CSMD1: variants seen among roughly 807,000 people sequenced by gnomAD.
CSMD1 encodes the protein CUB and Sushi multiple domains 1, also known as CUB and sushi domain-containing protein 1.
Under a neutral mutation model 417.5 loss-of-function variants are expected in CSMD1, and 213 were observed. That is an observed-to-expected ratio of 0.51 (90% CI 0.46 to 0.57). The LOEUF is 0.57. Among genes scored for constraint, CSMD1 ranks in the 20% least tolerant of loss-of-function variants. The probability of loss-of-function intolerance (pLI) is 0.00; values close to 1 mark genes in which losing one functional copy is unlikely to be tolerated. For synonymous variants in CSMD1, 2,862 were observed against 1,736.8 expected, an observed-to-expected ratio of 1.65 and a Z score of -16.11; for missense variants, 6,923 against 4,529.7, an observed-to-expected ratio of 1.53 and a Z score of -15.17.
chr8:4,359,323 G>T (rs1190733218), intron 3 of CSMD1, among the ~76,000 whole-genome samples: 1 of 152,164 alleles, frequency 6.6e-6, no homozygotes, highest in Non-Finnish European at 1.5e-5. Context: ...TTGTGCAGGG[G>T]CCAAATAGGT....
chr8:3,610,852 G>A (rs555028977), intron 8 of CSMD1, among the ~76,000 whole-genome samples: 1 of 151,956 alleles, frequency 6.6e-6, no homozygotes, highest in Non-Finnish European at 1.5e-5. Flanking sequence ...ATACTCTAAG[G>A]TGTTATGTGC....
intron 6 of CSMD1, among the ~76,000 whole-genome samples, chr8:3,738,142 T>C (rs1199461345): frequency 6.6e-6 from 1 of 152,170 alleles, no homozygotes; most frequent in Non-Finnish European, 1.5e-5. Flanking sequence ...ATACATTTAG[T>C]AGACATGTGT....
chr8:3,509,365 T>C (rs1337590974), intron 10 of CSMD1, among the ~76,000 whole-genome samples: 1 of 152,208 alleles, frequency 6.6e-6, no homozygotes, highest in Non-Finnish European at 1.5e-5. Flanking sequence ...GTCAACTTTG[T>C]CATAAGAAAA....
At chr8:4,436,624 C>T (rs1435236771) in intron 2 of CSMD1, among the ~76,000 whole-genome samples, 2 of 152,072 alleles carry the variant, frequency 1.3e-5, no homozygotes, top group African/African-American at 4.8e-5. Context: ...CTTATTCCTT[C>T]TTCTATTTTT....
Position 4,864,112 on chromosome 8 carries a change from GA to G in CSMD1, c.85+130219del, listed in dbSNP as rs774048128. Among the ~76,000 whole-genome samples the G allele has an allele frequency of 5.5e-4, 84 of 152,024 alleles. 1 individual carries two copies. In the Middle Eastern group the frequency reaches 0.014, roughly 25 times the overall value. On this transcript the variant is annotated intron_variant, in intron 1 of 69. Coordinates refer to ENST00000635120, the MANE Select transcript of CSMD1 (RefSeq NM_033225.6). ...TAACTCAGTCTATAAAATTATAGTT[GA>G]AAACTTTGTCTGGGTATTTTTTATT...
intron 40 of CSMD1, among the ~76,000 whole-genome samples, chr8:3,149,921 C>A (rs942894951): frequency 6.6e-6 from 1 of 152,112 alleles, no homozygotes. Context: ...ATAATTTGAC[C>A]AACAAGGCTC....
intron 2 of CSMD1, among the ~76,000 whole-genome samples, chr8:4,459,226 G>C (rs982243133): frequency 2.6e-5 from 4 of 152,192 alleles, no homozygotes; most frequent in Non-Finnish European, 2.9e-5. Context: ...CTATGTAGGA[G>C]GTATGGGAGG....
chr8:4,415,630 C>A (rs1796892189), intron 3 of CSMD1, among the ~76,000 whole-genome samples: 1 of 152,282 alleles, frequency 6.6e-6, no homozygotes, highest in Non-Finnish European at 1.5e-5. Flanking sequence ...AAGCAGTATT[C>A]ATTTCATCTT....
chr8:3,297,072 T>A (rs1424136396), intron 25 of CSMD1, among the ~76,000 whole-genome samples: 3 of 152,332 alleles, frequency 2.0e-5, no homozygotes, highest in East Asian at 1.9e-4. Flanking sequence ...CACATATGTT[T>A]GCCATTAAGC....
intron 1 of CSMD1, among the ~76,000 whole-genome samples, chr8:4,882,647 G>A (rs1270227678): frequency 6.6e-6 from 1 of 151,834 alleles, no homozygotes; most frequent in Non-Finnish European, 1.5e-5. Context: ...CATGCTCTGT[G>A]TACAACGTTG....
chr8:3,678,131 G>C (rs1490483321), intron 7 of CSMD1, among the ~76,000 whole-genome samples: 2 of 152,090 alleles, frequency 1.3e-5, no homozygotes, highest in Non-Finnish European at 2.9e-5. Flanking sequence ...GGTGATTTCT[G>C]CATTTCCAGC....
chr8:4,506,451 C>G (rs1025527333), intron 2 of CSMD1, among the ~76,000 whole-genome samples: 2 of 152,088 alleles, frequency 1.3e-5, no homozygotes, highest in Admixed American at 1.3e-4. Flanking sequence ...CTTCCCACTC[C>G]CCTCCCCTAT....
intron 2 of CSMD1, among the ~76,000 whole-genome samples, chr8:4,631,292 G>A (rs995028816): frequency 1.3e-5 from 2 of 152,140 alleles, no homozygotes; most frequent in Admixed American, 6.5e-5. Flanking sequence ...AACCTGGGAG[G>A]CAGAGGTTGC....
chr8:3,729,922 TAAAAAAAAAAAAAAAAAAAAAAAAA>T (rs1160679199), intron 6 of CSMD1, among the ~76,000 whole-genome samples: 1 of 47,062 alleles, frequency 2.1e-5, no homozygotes, highest in African/African-American at 1.4e-4. Flanking sequence ...CAATTCAAAG[TAAAAAAAAAAAAAAAAAAAAAAAAA>T]AAAAAAAAAA....
intron 3 of CSMD1, among the ~76,000 whole-genome samples, chr8:4,287,034 T>A (rs546785041): frequency 1.1e-4 from 16 of 152,262 alleles, no homozygotes; most frequent in African/African-American, 3.9e-4. Context: ...GAAACTTCAT[T>A]TAGAGAATGA....
intron 1 of CSMD1, among the ~76,000 whole-genome samples, chr8:4,670,268 G>A (rs771984072): frequency 6.6e-6 from 1 of 152,166 alleles, no homozygotes. Context: ...TAGTCTCCTG[G>A]AAGCTCTCAT....
chr8:4,717,901 A>T (rs1408243836), intron 1 of CSMD1, among the ~76,000 whole-genome samples: 2 of 152,240 alleles, frequency 1.3e-5, no homozygotes, highest in Non-Finnish European at 2.9e-5. Context: ...AAATAGGATG[A>T]CTAAAGTATT....
chr8:3,923,502 G>C (rs1019173805), intron 5 of CSMD1, among the ~76,000 whole-genome samples: 14 of 152,220 alleles, frequency 9.2e-5, no homozygotes, highest in African/African-American at 3.1e-4. Flanking sequence ...AAGGTATTGT[G>C]TGTGTGTCTT....
intron 7 of CSMD1, among the ~76,000 whole-genome samples, chr8:3,695,995 G>A (rs17066939): frequency 0.035 from 5,363 of 152,198 alleles, 326 homozygotes; most frequent in African/African-American, 0.12. Context: ...TCCAGTGTTA[G>A]AAATATGACT....
Sources: allele counts gnomAD v4.1 joint callset (sites outside exome capture counted in the v4.1 genomes callset), GRCh38; gene constraint gnomAD v4.1.1; transcripts MANE v1.5; gene names NCBI Gene and HGNC (gene_info 2026-07-23, HGNC 2026-07-21).